The following ADGRB3 variants were observed in gnomAD, a reference collection of about 807,000 sequenced individuals.
The protein encoded by ADGRB3 is adhesion G protein-coupled receptor B3.
A neutral mutation model predicts 193.4 loss-of-function variants in ADGRB3; 37 were observed. The ratio of observed to expected loss-of-function variants is 0.19; its 90% confidence interval spans 0.15 to 0.25. ADGRB3 has a LOEUF of 0.25. ADGRB3 is among the 10% of genes least tolerant of loss of function. The pLI, the probability that ADGRB3 is intolerant of heterozygous loss-of-function variation, is 1.00. For missense variants in ADGRB3, 1,637 were observed against 1,852.9 expected (o/e 0.88, Z 2.14); for synonymous variants, 690 against 644.2 (o/e 1.07, Z -1.08).
At chr6:69,010,885 T>A (rs936887579) in intron 11 of ADGRB3, among the ~76,000 whole-genome samples, 2 of 151,932 alleles carry the variant, frequency 1.3e-5, no homozygotes, top group African/African-American at 4.8e-5. Context: ...ACCTAATCCA[T>A]AAATCATCAA....
At chr6:68,926,160 T>C (rs963605805) in intron 3 of ADGRB3, among the ~76,000 whole-genome samples, 4 of 152,132 alleles carry the variant, frequency 2.6e-5, no homozygotes, top group Non-Finnish European at 5.9e-5. Context: ...AAAATTTGTT[T>C]GTTTGATAAA....
At chr6:69,122,428 A>T (rs1773733273) in intron 17 of ADGRB3, among the ~76,000 whole-genome samples, 1 of 125,962 alleles carries the variant, frequency 7.9e-6, no homozygotes, top group Non-Finnish European at 1.6e-5. Flanking sequence ...CAGCCTCAGC[A>T]ACTGAGGGAG....
At chr6:68,640,389 A>G (rs1768060002) in intron 3 of ADGRB3, among the ~76,000 whole-genome samples, 2 of 152,232 alleles carry the variant, frequency 1.3e-5, no homozygotes, top group African/African-American at 2.4e-5. Flanking sequence ...GATTGTGATT[A>G]TGTTTAATAA....
chr6:68,870,819 GATGTGTT>G (rs1352369447), intron 3 of ADGRB3, among the ~76,000 whole-genome samples: 1 of 152,154 alleles, frequency 6.6e-6, no homozygotes, highest in African/African-American at 2.4e-5. Context: ...AAATATCTGT[GATGTGTT>G]TAGAAGAATG....
chr6:69,174,183 ATGAT>A (rs1162315281), intron 17 of ADGRB3, among the ~76,000 whole-genome samples: 1 of 152,182 alleles, frequency 6.6e-6, no homozygotes, highest in Non-Finnish European at 1.5e-5. Flanking sequence ...GGTTTGGGGA[ATGAT>A]TGATCCTGTC....
intron 3 of ADGRB3, among the ~76,000 whole-genome samples, chr6:68,666,598 AAG>A (rs1768807041): frequency 6.6e-6 from 1 of 151,878 alleles, no homozygotes; most frequent in African/African-American, 2.4e-5. Flanking sequence ...AAAGTCTATC[AAG>A]ATATTTTGAG....
chr6:68,792,939 A>G (rs1022931234), intron 3 of ADGRB3, among the ~76,000 whole-genome samples: 3 of 152,098 alleles, frequency 2.0e-5, no homozygotes, highest in African/African-American at 4.8e-5. Context: ...TTCAGGAAGC[A>G]TATTTCTGGC....
In ADGRB3 at chr6:69,279,097, A is replaced by G. The variant is rs533929297; in HGVS notation, c.2814+39871A>G. 3.7e-4 allele frequency among the ~76,000 whole-genome samples: 51 copies of G among 136,342 alleles called. 1 individual carries two copies. Among genetic ancestry groups the G allele is most frequent in the African/African-American group, 5.0e-4 (19 of 37,732 alleles). The allele number at this position is 136,342 out of a possible 152,430, so 89.4% of individuals were successfully genotyped here. On this transcript the variant is annotated intron_variant, in intron 20 of 31. Coordinates refer to ENST00000370598, the MANE Select transcript of ADGRB3 (RefSeq NM_001704.3). ...TATATATATATATATATATATATAT[A>G]TATATATATATATATATATATATGC...
chr6:69,379,742 G>T (rs1320590765), intron 30 of ADGRB3, among the ~76,000 whole-genome samples: 1 of 151,972 alleles, frequency 6.6e-6, no homozygotes, highest in Non-Finnish European at 1.5e-5. Flanking sequence ...ACTTCTGCCA[G>T]AACTCCAGGC....
intron 13 of ADGRB3, among the ~76,000 whole-genome samples, chr6:69,039,764 C>T (rs200202257): frequency 2.0e-4 from 24 of 120,746 alleles, no homozygotes; most frequent in East Asian, 1.1e-3. Flanking sequence ...TTTTTTGAGA[C>T]GGAGTCTTGC....
At position 68,988,750 on chromosome 6, in the gene ADGRB3, A is replaced by T. The variant is rs9446082; in HGVS notation, c.1735-5018A>T. ...TGAGGATGCTAACGACACCTCTCAC[A>T]CAAGCAGCGATGCCCTTCCAAGCCT... On this transcript the variant is annotated intron_variant, in intron 10 of 31. Transcript: ENST00000370598. Among the ~76,000 whole-genome samples, 3 of 152,072 alleles carry T rather than the reference A, an allele frequency of 2.0e-5. No homozygotes were observed. The South Asian group carries it at 6.2e-4, about 32-fold the overall frequency.
chr6:69,355,950 A>G, intron 28 of ADGRB3, 90 bp downstream of exon 28: 3 of 1,135,658 alleles, frequency 2.6e-6, no homozygotes, highest in Non-Finnish European at 3.9e-6. Context: ...TGTGGTTTAC[A>G]CATTACATAT....
intron 13 of ADGRB3, among the ~76,000 whole-genome samples, chr6:69,020,335 G>A (rs1330723742): frequency 6.6e-6 from 1 of 151,990 alleles, no homozygotes; most frequent in African/African-American, 2.4e-5. Flanking sequence ...TTGGATTTGT[G>A]TTTCAGAATC....
chr6:69,286,044 A>T (rs1173568754), intron 20 of ADGRB3, among the ~76,000 whole-genome samples: 1 of 152,090 alleles, frequency 6.6e-6, no homozygotes, highest in Non-Finnish European at 1.5e-5. Flanking sequence ...TGGGCCTTCT[A>T]GTTACCTTAG....
chr6:68,885,046 TAAAC>T (rs1361974377), intron 3 of ADGRB3, among the ~76,000 whole-genome samples: 2 of 152,166 alleles, frequency 1.3e-5, no homozygotes, highest in Non-Finnish European at 2.9e-5. Context: ...AATACAATAA[TAAAC>T]TATAATAAGC....
At chr6:68,785,784 G>T (rs1766955433) in intron 3 of ADGRB3, among the ~76,000 whole-genome samples, 1 of 152,134 alleles carries the variant, frequency 6.6e-6, no homozygotes, top group Non-Finnish European at 1.5e-5. Flanking sequence ...CAGCATAAAA[G>T]TGTTCCTATA....
chr6:69,333,184 C>T (rs1768764354), intron 24 of ADGRB3, among the ~76,000 whole-genome samples, 176 bp downstream of exon 24: 1 of 152,098 alleles, frequency 6.6e-6, no homozygotes, highest in Non-Finnish European at 1.5e-5. Flanking sequence ...GCAATACGAC[C>T]AAAAATCTAA....
chr6:68,736,489 T>C (rs1163059157), intron 3 of ADGRB3, among the ~76,000 whole-genome samples: 1 of 152,132 alleles, frequency 6.6e-6, no homozygotes, highest in Non-Finnish European at 1.5e-5. Context: ...TTAGACTTAA[T>C]TAAATGCAGA....
At chr6:68,846,890 C>T (rs902760427) in intron 3 of ADGRB3, among the ~76,000 whole-genome samples, 4 of 152,036 alleles carry the variant, frequency 2.6e-5, no homozygotes, top group South Asian at 2.1e-4. Context: ...ATGGTAGATC[C>T]GCTTGCACCA....
Sources: gnomAD v4.1 joint callset for allele counts (sites outside exome capture counted in the v4.1 genomes callset) on GRCh38, gnomAD v4.1.1 for gene constraint, MANE v1.5 for transcripts, NCBI Gene and HGNC (gene_info 2026-07-23, HGNC 2026-07-21) for gene names.